Variants in CAMK2D observed in about 807,000 individuals in gnomAD.
CAMK2D encodes calcium/calmodulin-dependent protein kinase type II subunit delta.
Under a neutral mutation model 84.0 loss-of-function variants are expected in CAMK2D, and 37 were observed. The ratio of observed to expected loss-of-function variants is 0.44; its 90% confidence interval spans 0.34 to 0.58. CAMK2D has a LOEUF of 0.58. Among genes scored for constraint, CAMK2D ranks in the 20% least tolerant of loss-of-function variants. The probability of loss-of-function intolerance (pLI) is 0.02; values close to 1 mark genes in which losing one functional copy is unlikely to be tolerated. For synonymous variants in CAMK2D, 202 were observed against 212.5 expected (o/e 0.95, Z 0.43); for missense variants, 448 against 652.5 (o/e 0.69, Z 3.41).
At chr4:113,545,642 G>T (rs1342169720) in intron 6 of CAMK2D, among the ~76,000 whole-genome samples, 1 of 152,128 alleles carries the variant, frequency 6.6e-6, no homozygotes, top group Non-Finnish European at 1.5e-5. Context: ...CACGTGTTTT[G>T]AACTCTCTCA....
intron 2 of CAMK2D, among the ~76,000 whole-genome samples, chr4:113,665,642 G>A (rs1441935705): frequency 1.3e-5 from 2 of 152,152 alleles, no homozygotes; most frequent in Non-Finnish European, 2.9e-5. Flanking sequence ...AGGCCCTGAA[G>A]CCAGTGTGGA....
In CAMK2D at chr4:113,547,786, G is replaced by C. The variant is rs1474424576; in HGVS notation, c.342-70C>G. On this transcript the variant is annotated intron_variant, in intron 5 of 20. Coordinates refer to ENST00000511664, the MANE Select transcript of CAMK2D (RefSeq NM_001321571.2). ...CTCACTGTCTGTATACCCTCAGAGA[G>C]ACTGGGTTAAAGTGCAGAGCTAGCA... 5.0e-6 allele frequency: 5 copies of C among 997,496 alleles called. No individual in the cohort carries two copies. In the Middle Eastern group the frequency reaches 6.5e-4, roughly 130 times the overall value. 61.8% of individuals were successfully genotyped at this position (997,496 alleles called of 1,614,324 possible).
chr4:113,457,621 C>A, intron 18 of CAMK2D, 58 bp from the exon 19 acceptor site: 1 of 1,327,036 alleles, frequency 7.5e-7, no homozygotes, highest in Non-Finnish European at 1.1e-6. Context: ...AAACTAAAAC[C>A]AGTAATAACT....
At chr4:113,660,889 G>A (rs903568473) in intron 3 of CAMK2D, among the ~76,000 whole-genome samples, 10 of 149,824 alleles carry the variant, frequency 6.7e-5, no homozygotes, top group East Asian at 5.9e-4. Flanking sequence ...TCCGCCTCCC[G>A]GGTTCAAGCC....
chr4:113,596,413 T>A (rs1415086437), intron 4 of CAMK2D, among the ~76,000 whole-genome samples: 1 of 152,236 alleles, frequency 6.6e-6, no homozygotes, highest in Non-Finnish European at 1.5e-5. Context: ...TCTAGAATGG[T>A]AAATCCTTTC....
intron 2 of CAMK2D, among the ~76,000 whole-genome samples, chr4:113,669,090 TTA>T (rs1317217971): frequency 6.6e-6 from 1 of 152,148 alleles, no homozygotes; most frequent in Non-Finnish European, 1.5e-5. Context: ...AGATATAACA[TTA>T]TATATGTTAT....
chr4:113,517,741 C>T (rs2098303174), intron 8 of CAMK2D, 84 bp from the exon 9 acceptor site: 1 of 682,484 alleles, frequency 1.5e-6, no homozygotes, highest in Non-Finnish European at 2.7e-6. Flanking sequence ...TGATATTAAG[C>T]CGTAGTTGTT....
At chr4:113,597,775 T>A (rs1436290777) in intron 4 of CAMK2D, among the ~76,000 whole-genome samples, 1 of 152,238 alleles carries the variant, frequency 6.6e-6, no homozygotes, top group African/African-American at 2.4e-5. Flanking sequence ...CTAACCTTAA[T>A]TCTTTCTAGG....
intron 13 of CAMK2D, among the ~76,000 whole-genome samples, chr4:113,506,015 C>T (rs1282273865): frequency 6.6e-6 from 1 of 152,068 alleles, no homozygotes; most frequent in African/African-American, 2.4e-5. Context: ...CGTTCATTTT[C>T]TTATACTATA....
chr4:113,569,763 G>A (rs2098743526), intron 4 of CAMK2D, among the ~76,000 whole-genome samples: 1 of 151,968 alleles, frequency 6.6e-6, no homozygotes, highest in South Asian at 2.1e-4. Flanking sequence ...CATTAAATTG[G>A]CTTTTATGTT....
intron 2 of CAMK2D, among the ~76,000 whole-genome samples, chr4:113,719,430 G>C (rs1187375066): frequency 6.6e-6 from 1 of 152,136 alleles, no homozygotes; most frequent in African/African-American, 2.4e-5. Flanking sequence ...TATAAAAACT[G>C]ACCATTCTAC....
intron 2 of CAMK2D, among the ~76,000 whole-genome samples, chr4:113,688,910 C>CAAAAAAAAAAAAAAAAAAAAAAAGAAAAA (rs2099369925): frequency 2.0e-5 from 1 of 49,716 alleles, no homozygotes; most frequent in Non-Finnish European, 3.7e-5. Flanking sequence ...AAAGAAGATG[C>CAAAAAAAAAAAAAAAAAAAAAAAGAAAAA]AAAAAAAAAA....
chr4:113,741,894 T>C (rs1282769306), intron 2 of CAMK2D, among the ~76,000 whole-genome samples: 1 of 152,208 alleles, frequency 6.6e-6, no homozygotes, highest in African/African-American at 2.4e-5. Flanking sequence ...CCTGGAATGT[T>C]CTTTCTTCGT....
At chr4:113,668,728 C>T (rs960798330) in intron 2 of CAMK2D, among the ~76,000 whole-genome samples, 8 of 151,882 alleles carry the variant, frequency 5.3e-5, no homozygotes, top group African/African-American at 9.7e-5. Flanking sequence ...CAGTAAAATA[C>T]GGACAAAAAC....
chr4:113,593,526 A>G (rs2098904771), intron 4 of CAMK2D, among the ~76,000 whole-genome samples: 1 of 152,248 alleles, frequency 6.6e-6, no homozygotes, highest in Non-Finnish European at 1.5e-5. Flanking sequence ...GGGGATCCTC[A>G]CACTTCTGTG....
intron 4 of CAMK2D, among the ~76,000 whole-genome samples, chr4:113,567,356 C>T (rs1187531751): frequency 1.3e-5 from 2 of 151,758 alleles, no homozygotes; most frequent in African/African-American, 2.4e-5. Context: ...TCAGTAGAGA[C>T]GGGGTTTCAC....
chr4:113,505,484 A>C (rs934319414), intron 13 of CAMK2D, among the ~76,000 whole-genome samples: 1 of 152,210 alleles, frequency 6.6e-6, no homozygotes, highest in Non-Finnish European at 1.5e-5. Context: ...GGGATCCAGC[A>C]TTACTTTGCT....
intron 2 of CAMK2D, among the ~76,000 whole-genome samples, chr4:113,727,209 AT>A (rs1419845240): frequency 1.3e-5 from 2 of 152,188 alleles, no homozygotes; most frequent in Non-Finnish European, 2.9e-5. Context: ...AGGACAGGTT[AT>A]TTTTTAAAGA....
intron 16 of CAMK2D, among the ~76,000 whole-genome samples, chr4:113,474,937 G>A (rs941252905): frequency 2.0e-5 from 3 of 152,188 alleles, no homozygotes; most frequent in Admixed American, 1.3e-4. Flanking sequence ...GTGAGCCACC[G>A]TGCCTGGCGG....
Sources: gnomAD v4.1 joint callset for allele counts (sites outside exome capture counted in the v4.1 genomes callset) on GRCh38, gnomAD v4.1.1 for gene constraint, MANE v1.5 for transcripts, NCBI Gene and HGNC (gene_info 2026-07-23, HGNC 2026-07-21) for gene names.